DLC1: variants seen among roughly 807,000 people sequenced by gnomAD.
DLC1 encodes DLC1 Rho GTPase activating protein.
A neutral mutation model predicts 140.3 loss-of-function variants in DLC1; 54 were observed. The observed-to-expected ratio is 0.38, with a 90% CI of 0.31 to 0.48. The LOEUF (loss-of-function observed/expected upper bound fraction) is 0.48. Ranked by LOEUF, DLC1 falls within the 20% of genes least tolerant of loss-of-function variation. The probability of loss-of-function intolerance (pLI) is 0.96; values close to 1 mark genes in which losing one functional copy is unlikely to be tolerated. For synonymous variants in DLC1, 986 were observed against 728.1 expected (o/e 1.35, Z -5.70); for missense variants, 2,536 against 1,907.0 (o/e 1.33, Z -6.14).
chr8:13,349,400 A>T (rs975035289), intron 4 of DLC1, among the ~76,000 whole-genome samples: 7 of 152,198 alleles, frequency 4.6e-5, no homozygotes, highest in African/African-American at 1.7e-4. Context: ...GGAAGAAAGA[A>T]AGAAAAAAAC....
intron 5 of DLC1, among the ~76,000 whole-genome samples, chr8:13,149,899 C>G (rs571624248): frequency 6.6e-6 from 1 of 152,318 alleles, no homozygotes; most frequent in East Asian, 1.9e-4. Context: ...GAATTACTCT[C>G]AAAATCCAAA....
intron 4 of DLC1, among the ~76,000 whole-genome samples, chr8:13,307,476 A>C (rs984083911): frequency 1.3e-5 from 2 of 152,226 alleles, no homozygotes; most frequent in African/African-American, 2.4e-5. Flanking sequence ...GTGTCCCTTA[A>C]AACATATTTA....
At chr8:13,541,324 G>A (rs182988032) in intron 1 of DLC1, among the ~76,000 whole-genome samples, 1 of 150,888 alleles carries the variant, frequency 6.6e-6, no homozygotes, top group Admixed American at 6.6e-5. Flanking sequence ...CCTAGAAATG[G>A]AATTCCCAGG....
intron 1 of DLC1, among the ~76,000 whole-genome samples, chr8:13,590,670 T>A (rs1050211320): frequency 7.9e-5 from 12 of 152,108 alleles, no homozygotes; most frequent in Admixed American, 6.6e-4. Flanking sequence ...GGGCTCTGTA[T>A]TTGCATTGTC....
intron 4 of DLC1, among the ~76,000 whole-genome samples, chr8:13,318,068 C>T (rs1015485745): frequency 2.0e-5 from 3 of 152,032 alleles, no homozygotes; most frequent in Admixed American, 1.3e-4. Flanking sequence ...TTTTGTGTTA[C>T]CCAGGATGGA....
chr8:13,554,606 C>G (rs927940826), intron 1 of DLC1, among the ~76,000 whole-genome samples: 2 of 152,070 alleles, frequency 1.3e-5, no homozygotes, highest in Non-Finnish European at 2.9e-5. Flanking sequence ...TTTTCTTTTT[C>G]TCACACCTCA....
intron 5 of DLC1, among the ~76,000 whole-genome samples, chr8:13,131,992 G>A (rs1379274185): frequency 1.3e-5 from 2 of 152,200 alleles, no homozygotes; most frequent in East Asian, 3.9e-4. Context: ...CCAGGACTCT[G>A]GAGGTGGGGA....
intron 2 of DLC1, among the ~76,000 whole-genome samples, chr8:13,411,946 T>C (rs1175630847): frequency 6.6e-6 from 1 of 152,176 alleles, no homozygotes; most frequent in African/African-American, 2.4e-5. Context: ...AAATTTCATC[T>C]GCAAGAGAAA....
At chr8:13,353,823 C>T (rs564843350) in intron 4 of DLC1, among the ~76,000 whole-genome samples, 7 of 151,532 alleles carry the variant, frequency 4.6e-5, no homozygotes, top group African/African-American at 1.7e-4. Flanking sequence ...TGCCACTGCA[C>T]TCCAGCCTGG....
At chr8:13,594,672 T>C (rs963534559) in intron 1 of DLC1, among the ~76,000 whole-genome samples, 3 of 152,068 alleles carry the variant, frequency 2.0e-5, no homozygotes, top group African/African-American at 7.2e-5. Flanking sequence ...CCTTTTTTCT[T>C]TTTTAAAGTG....
chr8:13,418,046 C>G, intron 2 of DLC1, among the ~76,000 whole-genome samples: 1 of 152,148 alleles, frequency 6.6e-6, no homozygotes, highest in African/African-American at 2.4e-5. Context: ...CGTTTGCCTA[C>G]TTTTTGATGG....
At chr8:13,206,367 G>T (rs913758454) in intron 5 of DLC1, among the ~76,000 whole-genome samples, 2 of 152,066 alleles carry the variant, frequency 1.3e-5, no homozygotes, top group East Asian at 1.9e-4. Flanking sequence ...TCATGTAAAA[G>T]GTTTGGAATA....
chr8:13,197,878 G>A (rs975334386), intron 5 of DLC1, among the ~76,000 whole-genome samples: 2 of 152,090 alleles, frequency 1.3e-5, no homozygotes, highest in African/African-American at 4.8e-5. Flanking sequence ...GGACATATTA[G>A]TTTAAACTTC....
intron 2 of DLC1, among the ~76,000 whole-genome samples, chr8:13,407,664 A>G (rs1300048030): frequency 6.6e-6 from 1 of 152,196 alleles, no homozygotes; most frequent in Non-Finnish European, 1.5e-5. Context: ...GTGGCATCAC[A>G]TAGTCATGAT....
chr8:13,255,996 G>T (rs1196949318), intron 5 of DLC1, among the ~76,000 whole-genome samples: 1 of 152,138 alleles, frequency 6.6e-6, no homozygotes, highest in Non-Finnish European at 1.5e-5. Context: ...ATTTGGGTTT[G>T]AAGAAAATTT....
At position 13,222,208 on chromosome 8, in the gene DLC1, G is replaced by A. The variant is rs183191490; in HGVS notation, c.1348+83061C>T. ...GGGCCACTCCAAAAGCATTATTTATGTAAAATCATTTAATCACTCACTTTT... is the reference window on the plus strand; with the variant it reads ...GGGCCACTCCAAAAGCATTATTTATATAAAATCATTTAATCACTCACTTTT... On this transcript the variant is annotated intron_variant, in intron 5 of 17. Coordinates refer to ENST00000276297, the MANE Select transcript of DLC1 (RefSeq NM_182643.3). Among the ~76,000 whole-genome samples the A allele has an allele frequency of 2.9e-3, 448 of 151,978 alleles. 3 individuals are homozygous for A. Among genetic ancestry groups the A allele is most frequent in the African/African-American group, 9.3e-3 (384 of 41,468 alleles).
intron 5 of DLC1, among the ~76,000 whole-genome samples, chr8:13,138,427 G>C (rs1585743131): frequency 6.6e-6 from 1 of 152,166 alleles, no homozygotes; most frequent in Admixed American, 6.5e-5. Context: ...CTTAGCCCTA[G>C]GGCAACCAGT....
chr8:13,232,097 A>T (rs1829073494), intron 5 of DLC1, among the ~76,000 whole-genome samples: 1 of 152,046 alleles, frequency 6.6e-6, no homozygotes, highest in South Asian at 2.1e-4. Context: ...AGGTGGCTTC[A>T]TTTCACTTGG....
intron 1 of DLC1, among the ~76,000 whole-genome samples, chr8:13,557,015 T>C (rs1344661196): frequency 1.3e-5 from 2 of 152,132 alleles, no homozygotes; most frequent in East Asian, 3.8e-4. Context: ...AATGTAGTAA[T>C]TGTCATATGC....
Sources: allele counts gnomAD v4.1 joint callset (sites outside exome capture counted in the v4.1 genomes callset), GRCh38; gene constraint gnomAD v4.1.1; transcripts MANE v1.5; gene names NCBI Gene and HGNC (gene_info 2026-07-23, HGNC 2026-07-21).